The following NBEA variants were observed in gnomAD, a reference collection of about 807,000 sequenced individuals.
NBEA encodes lysosomal-trafficking regulator 2.
A neutral mutation model predicts 343.4 loss-of-function variants in NBEA; 44 were observed. The observed-to-expected ratio is 0.13, with a 90% CI of 0.10 to 0.16. The LOEUF is 0.16. Ranked by LOEUF, NBEA falls within the 10% of genes least tolerant of loss-of-function variation. The pLI, the probability that NBEA is intolerant of heterozygous loss-of-function variation, is 1.00. For synonymous variants in NBEA, 1,175 were observed against 1,238.7 expected (o/e 0.95, Z 1.08); for missense variants, 2,555 against 3,631.3 (o/e 0.70, Z 7.62).
chr13:35,236,938 CCTAA>C (rs374013060), intron 34 of NBEA, among the ~76,000 whole-genome samples: 124 of 152,108 alleles, frequency 8.2e-4, no homozygotes, highest in Middle Eastern at 3.4e-3. Flanking sequence ...ATTGTCATTA[CCTAA>C]CTTAGACTCT....
intron 48 of NBEA, among the ~76,000 whole-genome samples, chr13:35,623,161 G>T (rs1414403942): frequency 6.6e-6 from 1 of 152,126 alleles, no homozygotes; most frequent in Non-Finnish European, 1.5e-5. Context: ...GACACTAATA[G>T]CTTAGTAATC....
At chr13:35,347,726 T>A (rs1274324165) in intron 36 of NBEA, among the ~76,000 whole-genome samples, 1 of 152,020 alleles carries the variant, frequency 6.6e-6, no homozygotes, top group Non-Finnish European at 1.5e-5. Context: ...CATCATCATG[T>A]GGCTTAAACC....
At chr13:35,550,828 T>C in intron 42 of NBEA, 102 bp from the exon 43 acceptor site, 1 of 732,528 alleles carries the variant, frequency 1.4e-6, no homozygotes, top group East Asian at 2.7e-5. Flanking sequence ...ATTCATTAGC[T>C]TTACAAATAA....
At chr13:35,430,091 T>A (rs1471239844) in intron 38 of NBEA, among the ~76,000 whole-genome samples, 2 of 152,104 alleles carry the variant, frequency 1.3e-5, no homozygotes, top group East Asian at 3.9e-4. Flanking sequence ...CAGTGTAAAA[T>A]GTTTACATTC....
intron 38 of NBEA, among the ~76,000 whole-genome samples, chr13:35,423,014 A>G (rs1221548636): frequency 3.3e-5 from 5 of 151,944 alleles, no homozygotes; most frequent in Admixed American, 2.0e-4. Flanking sequence ...TTTCTTGTAA[A>G]TTTGTTTAAG....
At chr13:35,517,744 A>G (rs2152990470) in intron 41 of NBEA, among the ~76,000 whole-genome samples, 1 of 152,228 alleles carries the variant, frequency 6.6e-6, no homozygotes, top group South Asian at 2.1e-4. Context: ...CTTCTACTAT[A>G]TATTTTATTG....
At chr13:35,205,787 C>T (rs556638157) in intron 31 of NBEA, among the ~76,000 whole-genome samples, 36 of 152,160 alleles carry the variant, frequency 2.4e-4, no homozygotes, top group Admixed American at 1.5e-3. Context: ...ATGGACTGTG[C>T]TAAGTACTTT....
Position 35,649,846 on chromosome 13 carries a change from A to G in NBEA, c.7962A>G (p.Val2654=), listed in dbSNP as rs758564244. The G allele has an allele frequency of 1.2e-6, 2 of 1,613,478 alleles. No individual in the cohort carries two copies. Among genetic ancestry groups the G allele is most frequent in the Non-Finnish European group, 1.7e-6 (2 of 1,179,694 alleles). ...LFAVNRWHNT[V]GLRGAPGYSL... ...CAGTGAATAGATGGCACAACACAGTAGGTATGTGTGCCTGAGCAAATCACT... is the reference window on the plus strand; with the variant it reads ...CAGTGAATAGATGGCACAACACAGTGGGTATGTGTGCCTGAGCAAATCACT... The change falls in exon 52 of 59, where the codon GTA becomes GTG. Residue 2654 remains valine, a splice_region_variant and synonymous_variant. Coordinates refer to ENST00000379939, the MANE Select transcript of NBEA (RefSeq NM_001385012.1).
chr13:34,957,127 T>C (rs760949048), intron 1 of NBEA, among the ~76,000 whole-genome samples: 1 of 152,158 alleles, frequency 6.6e-6, no homozygotes, highest in Non-Finnish European at 1.5e-5. Flanking sequence ...GTGATATTTA[T>C]TTAAAAATTC....
intron 49 of NBEA, among the ~76,000 whole-genome samples, chr13:35,634,281 T>G (rs1490439286): frequency 6.6e-6 from 1 of 152,126 alleles, no homozygotes; most frequent in Non-Finnish European, 1.5e-5. Context: ...AGGCGCAGCT[T>G]GTAGTGAGCC....
chr13:35,593,743 A>T lies in NBEA; in HGVS notation c.7296+296A>T, dbSNP rs2081635425. Among the ~76,000 whole-genome samples the T allele has an allele frequency of 2.0e-5, 3 of 152,122 alleles. No individual in the cohort carries two copies. In the South Asian group the frequency reaches 6.2e-4, roughly 31 times the overall value. On this transcript the variant is annotated intron_variant, in intron 47 of 58. Coordinates refer to ENST00000379939, the MANE Select transcript of NBEA (RefSeq NM_001385012.1). ...AAAATGCCTTTCCTGCTGTTAACTC[A>T]ATATTTGGTCCATTCCATAAAACAC...
intron 44 of NBEA, among the ~76,000 whole-genome samples, chr13:35,559,861 G>A (rs985410085): frequency 6.6e-6 from 1 of 150,826 alleles, no homozygotes; most frequent in South Asian, 2.1e-4. Flanking sequence ...AACCCGGGAG[G>A]CGGAGCTTGC....
intron 1 of NBEA, among the ~76,000 whole-genome samples, chr13:34,950,598 ATAT>A (rs1051449282): frequency 5.3e-5 from 8 of 151,304 alleles, no homozygotes; most frequent in African/African-American, 1.7e-4. Context: ...TTAATTTCTA[ATAT>A]TCTAAATTAA....
chr13:35,027,123 T>C (rs182428831), intron 1 of NBEA, among the ~76,000 whole-genome samples: 4 of 152,222 alleles, frequency 2.6e-5, no homozygotes, highest in Non-Finnish European at 2.9e-5. Flanking sequence ...GTATGGACTT[T>C]CCACAGTTCA....
At chr13:35,599,965 T>G (rs539518065) in intron 47 of NBEA, among the ~76,000 whole-genome samples, 1 of 152,236 alleles carries the variant, frequency 6.6e-6, no homozygotes, top group Non-Finnish European at 1.5e-5. Flanking sequence ...ATATGTCAAC[T>G]TTAAATAACC....
intron 1 of NBEA, among the ~76,000 whole-genome samples, chr13:34,992,839 A>ATTTTTTT (rs11434153): frequency 7.3e-6 from 1 of 136,436 alleles, no homozygotes; most frequent in African/African-American, 2.7e-5. Context: ...CACCCGGCTA[A>ATTTTTTT]TTTTTTTTTT....
intron 38 of NBEA, among the ~76,000 whole-genome samples, chr13:35,379,271 G>A (rs977438104): frequency 2.6e-5 from 4 of 152,080 alleles, no homozygotes; most frequent in African/African-American, 4.8e-5. Context: ...GGAGTATGAT[G>A]TATTGCCTTA....
At chr13:35,294,995 A>G (rs2036028465) in intron 35 of NBEA, among the ~76,000 whole-genome samples, 1 of 151,652 alleles carries the variant, frequency 6.6e-6, no homozygotes, top group African/African-American at 2.4e-5. Flanking sequence ...CCACACTGGA[A>G]GAAGAATCAT....
chr13:35,467,107 G>A (rs538711701), intron 40 of NBEA, among the ~76,000 whole-genome samples: 35 of 152,212 alleles, frequency 2.3e-4, no homozygotes, highest in African/African-American at 8.2e-4. Flanking sequence ...TTTGTTTTGA[G>A]ATTAAAACAT....
Sources: gnomAD v4.1 joint callset for allele counts (sites outside exome capture counted in the v4.1 genomes callset) on GRCh38, gnomAD v4.1.1 for gene constraint, MANE v1.5 for transcripts, NCBI Gene and HGNC (gene_info 2026-07-23, HGNC 2026-07-21) for gene names.